XKR4: variants seen among roughly 807,000 people sequenced by gnomAD.
XKR4 encodes XK related 4, also known as XK-related protein 4.
In XKR4, 12 loss-of-function variants were observed where a neutral mutation model predicts 53.9. The observed-to-expected ratio is 0.22, with a 90% CI of 0.14 to 0.36. XKR4 has a LOEUF of 0.36. Ranked by LOEUF, XKR4 falls within the 10% of genes least tolerant of loss-of-function variation. The probability of loss-of-function intolerance (pLI) is 1.00; values close to 1 mark genes in which losing one functional copy is unlikely to be tolerated. For missense variants in XKR4, 799 were observed against 859.5 expected (o/e 0.93, Z 0.88); for synonymous variants, 354 against 362.4 (o/e 0.98, Z 0.26).
chr8:55,268,473 G>C (rs991131493), intron 1 of XKR4, among the ~76,000 whole-genome samples: 13 of 152,096 alleles, frequency 8.5e-5, no homozygotes, highest in Non-Finnish European at 1.5e-4. Context: ...AGCCAGTCTC[G>C]TGTATTTTAA....
At chr8:55,518,887 A>T (rs149595655) in intron 2 of XKR4, among the ~76,000 whole-genome samples, 95 of 152,374 alleles carry the variant, frequency 6.2e-4, no homozygotes, top group Non-Finnish European at 1.2e-3. Context: ...GACACGTCTG[A>T]AATAAAGAAG....
At chr8:55,256,047 G>A (rs1818435622) in intron 1 of XKR4, among the ~76,000 whole-genome samples, 1 of 151,668 alleles carries the variant, frequency 6.6e-6, no homozygotes, top group Non-Finnish European at 1.5e-5. Context: ...TTTTCTAGGG[G>A]TTGTATCTAG....
At chr8:55,195,161 A>G (rs1436539275) in intron 1 of XKR4, among the ~76,000 whole-genome samples, 1 of 99,132 alleles carries the variant, frequency 1.0e-5, no homozygotes, top group African/African-American at 3.4e-5. Context: ...CGACAAGTCC[A>G]TGAACTAACT....
At chr8:55,293,263 A>G (rs1278213551) in intron 1 of XKR4, among the ~76,000 whole-genome samples, 1 of 152,176 alleles carries the variant, frequency 6.6e-6, no homozygotes, top group Non-Finnish European at 1.5e-5. Context: ...TGAACCCAAG[A>G]GGCAAAGGTT....
At chr8:55,253,399 T>G (rs1818387708) in intron 1 of XKR4, among the ~76,000 whole-genome samples, 1 of 152,226 alleles carries the variant, frequency 6.6e-6, no homozygotes, top group Non-Finnish European at 1.5e-5. Context: ...CACTTTTTTT[T>G]GTAATCTTCA....
intron 1 of XKR4, among the ~76,000 whole-genome samples, chr8:55,205,307 T>C (rs914506349): frequency 6.6e-6 from 1 of 152,244 alleles, no homozygotes; most frequent in Admixed American, 6.5e-5. Flanking sequence ...TTTTGTTTTG[T>C]ACTTAAACTA....
chr8:55,212,824 G>A (rs542990431), intron 1 of XKR4, among the ~76,000 whole-genome samples: 92 of 152,264 alleles, frequency 6.0e-4, no homozygotes, highest in African/African-American at 2.1e-3. Flanking sequence ...TGACCAAATC[G>A]TTGGGTGGTG....
intron 2 of XKR4, among the ~76,000 whole-genome samples, chr8:55,508,688 C>T (rs1264666836): frequency 6.6e-6 from 1 of 152,198 alleles, no homozygotes; most frequent in Non-Finnish European, 1.5e-5. Context: ...GAGGTGGAGG[C>T]CCTGAGCATT....
intron 1 of XKR4, among the ~76,000 whole-genome samples, chr8:55,293,752 T>C (rs1257767978): frequency 1.3e-5 from 2 of 152,208 alleles, no homozygotes; most frequent in Admixed American, 6.5e-5. Context: ...TTTCTTTGCA[T>C]AGATGGGTAC....
intron 1 of XKR4, among the ~76,000 whole-genome samples, chr8:55,220,362 G>A (rs1817864775): frequency 1.3e-5 from 2 of 152,328 alleles, no homozygotes; most frequent in African/African-American, 4.8e-5. Context: ...GGGAAAGGAA[G>A]CAAGTCAGTC....
At chr8:55,360,387 T>C (rs569938487) in intron 2 of XKR4, among the ~76,000 whole-genome samples, 2 of 152,312 alleles carry the variant, frequency 1.3e-5, no homozygotes, top group East Asian at 3.9e-4. Flanking sequence ...AACCAGCTGA[T>C]AAATTAAATT....
intron 1 of XKR4, among the ~76,000 whole-genome samples, chr8:55,209,858 G>T (rs1424500812): frequency 6.6e-6 from 1 of 152,208 alleles, no homozygotes; most frequent in African/African-American, 2.4e-5. Context: ...ACCAGTATGA[G>T]AACCCATGCC....
chr8:55,398,926 G>A (rs1474113270), intron 2 of XKR4, among the ~76,000 whole-genome samples: 1 of 152,194 alleles, frequency 6.6e-6, no homozygotes, highest in Non-Finnish European at 1.5e-5. Flanking sequence ...GAGCTCTACA[G>A]ATATCATGTG....
chr8:55,467,130 G>T (rs1282974071), intron 2 of XKR4, among the ~76,000 whole-genome samples: 1 of 152,088 alleles, frequency 6.6e-6, no homozygotes, highest in Non-Finnish European at 1.5e-5. Context: ...GCAGAATGCA[G>T]GTCCCTGTGG....
chr8:55,282,212 A>C (rs1219309973), intron 1 of XKR4, among the ~76,000 whole-genome samples: 1 of 152,194 alleles, frequency 6.6e-6, no homozygotes, highest in Non-Finnish European at 1.5e-5. Context: ...CCTCATATAC[A>C]ACAGCAGTCC....
intron 1 of XKR4, among the ~76,000 whole-genome samples, chr8:55,292,606 G>T (rs1268903633): frequency 6.6e-6 from 1 of 151,960 alleles, no homozygotes; most frequent in Non-Finnish European, 1.5e-5. Context: ...GCAATTGGTT[G>T]CTCTATTTTA....
At chr8:55,456,515 ATAAT>A (rs1406435597) in intron 2 of XKR4, among the ~76,000 whole-genome samples, 1 of 152,234 alleles carries the variant, frequency 6.6e-6, no homozygotes, top group Non-Finnish European at 1.5e-5. Context: ...TGGCAAACAA[ATAAT>A]TAATGAAACG....
At position 55,214,747 on chromosome 8, in the gene XKR4, G is replaced by T. The variant is rs1465378120; in HGVS notation, c.806+111453G>T. On this transcript the variant is annotated intron_variant, in intron 1 of 2. Coordinates refer to ENST00000327381, the MANE Select transcript of XKR4 (RefSeq NM_052898.2). ...CCCAAAGTCCCCTGTTTACCTGTGGGTACCTAAGGGGAGGGGTGAAAGGAG... is the reference window on the plus strand; with the variant it reads ...CCCAAAGTCCCCTGTTTACCTGTGGTTACCTAAGGGGAGGGGTGAAAGGAG... Among the ~76,000 whole-genome samples the T allele has an allele frequency of 3.9e-5, 6 of 152,168 alleles. No homozygotes were observed. In the East Asian group the frequency reaches 1.2e-3, roughly 29 times the overall value.
At chr8:55,138,651 A>T (rs1290252591) in intron 1 of XKR4, among the ~76,000 whole-genome samples, 1 of 152,194 alleles carries the variant, frequency 6.6e-6, no homozygotes, top group African/African-American at 2.4e-5. Flanking sequence ...TTTTTATGAA[A>T]TGAGGCCTAC....
Sources: allele counts gnomAD v4.1 joint callset (sites outside exome capture counted in the v4.1 genomes callset), GRCh38; gene constraint gnomAD v4.1.1; transcripts MANE v1.5; gene names NCBI Gene and HGNC (gene_info 2026-07-23, HGNC 2026-07-21).